Variants in ARHGAP8 observed in about 807,000 individuals in gnomAD.
ARHGAP8 encodes Rho GTPase activating protein 8.
ARHGAP8 carries 62 observed loss-of-function variants against 46.1 expected under a neutral mutation model. The ratio of observed to expected loss-of-function variants is 1.34; its 90% CI spans 1.10 to 1.66. The LOEUF (loss-of-function observed/expected upper bound fraction) is 1.66. ARHGAP8 is among the 40% of genes most tolerant of loss of function. The probability of loss-of-function intolerance (pLI) is 0.00; values close to 1 mark genes in which losing one functional copy is unlikely to be tolerated. For missense variants in ARHGAP8, 923 were observed against 568.4 expected, an observed-to-expected ratio of 1.62 and a Z score of -6.34; for synonymous variants, 375 against 243.1, an observed-to-expected ratio of 1.54 and a Z score of -5.05.
At chr22:44,856,042 C>T (rs775624650) in intron 10 of ARHGAP8, among the ~76,000 whole-genome samples, 11 of 151,996 alleles carry the variant, frequency 7.2e-5, no homozygotes, top group Non-Finnish European at 1.5e-4. Flanking sequence ...CACACTTAAC[C>T]AGATCTCTTG....
intron 1 of ARHGAP8, among the ~76,000 whole-genome samples, chr22:44,757,945 G>A (rs1485122919): frequency 2.0e-5 from 3 of 151,500 alleles, no homozygotes; most frequent in South Asian, 2.1e-4. Context: ...ATGACCCACC[G>A]CCCCCAGGCT....
At chr22:44,859,212 C>A (rs556159856) in intron 10 of ARHGAP8, among the ~76,000 whole-genome samples, 1 of 152,006 alleles carries the variant, frequency 6.6e-6, no homozygotes, top group Non-Finnish European at 1.5e-5. Context: ...GAGTCCCCAG[C>A]GCGTCTCATG....
chr22:44,841,320 C>T (rs1931637929), intron 7 of ARHGAP8, among the ~76,000 whole-genome samples: 1 of 152,186 alleles, frequency 6.6e-6, no homozygotes, highest in Admixed American at 6.5e-5. Context: ...TGCATGTTTT[C>T]TGCGTGCTGG....
intron 1 of ARHGAP8, among the ~76,000 whole-genome samples, chr22:44,758,876 G>A (rs1602136851): frequency 1.3e-5 from 2 of 152,366 alleles, no homozygotes; most frequent in Non-Finnish European, 2.9e-5. Flanking sequence ...GGATATTCAA[G>A]TTTGAGTTGG....
intron 1 of ARHGAP8, among the ~76,000 whole-genome samples, chr22:44,783,649 C>T (rs1025791529): frequency 1.3e-5 from 2 of 152,212 alleles, no homozygotes; most frequent in Admixed American, 6.5e-5. Flanking sequence ...GCTGTGCAAG[C>T]TTCCAGTGGC....
At chr22:44,762,139 G>C (rs188101189) in intron 1 of ARHGAP8, among the ~76,000 whole-genome samples, 5 of 152,364 alleles carry the variant, frequency 3.3e-5, no homozygotes, top group Admixed American at 3.3e-4. Flanking sequence ...GGTGGGGGCT[G>C]TGGTATAATG....
At chr22:44,812,546 G>A (rs955002508) in intron 4 of ARHGAP8, among the ~76,000 whole-genome samples, 23 of 151,820 alleles carry the variant, frequency 1.5e-4, no homozygotes, top group South Asian at 6.3e-4. Flanking sequence ...TAGTGGAGAC[G>A]GGTTTTCACC....
At chr22:44,808,599 T>C in intron 4 of ARHGAP8, 161 bp downstream of exon 4, 1 of 1,343,438 alleles carries the variant, frequency 7.4e-7, no homozygotes, top group Non-Finnish European at 1.0e-6. Flanking sequence ...TCACCTCCCC[T>C]CTGGGCCAAG....
chr22:44,849,703 CCTTT>C, intron 10 of ARHGAP8: 1 of 152,278 alleles, frequency 6.6e-6, no homozygotes, highest in East Asian at 1.9e-4. Flanking sequence ...CCAGCGCCCT[CCTTT>C]CTTCTTGGAG....
rs901811340 is a variant in ARHGAP8 at position 44,862,303 on chromosome 22, T to C, written c.1010T>C (p.Met337Thr). 6.3e-7 allele frequency: 1 copy of C among 1,599,296 alleles called. No homozygotes were observed. ...AVSRESIFNK[M>T]NSSNLACVFG... Reference sequence around the variant, plus strand: ...TCCCGGGAGAGCATCTTCAACAAAATGAACAGCTCTAACCTGGCCTGTGTC... The same window carrying C: ...TCCCGGGAGAGCATCTTCAACAAAACGAACAGCTCTAACCTGGCCTGTGTC... Residue 337 changes from methionine to threonine, a missense_variant, in exon 12 of 12, where the codon ATG (methionine) becomes ACG (threonine). Met to Thr is a moderately conservative substitution (Grantham distance 81). Coordinates refer to ENST00000356099, the MANE Select transcript of ARHGAP8 (RefSeq NM_181335.3).
chr22:44,858,596 C>T (rs1240483419), intron 10 of ARHGAP8, among the ~76,000 whole-genome samples: 1 of 141,062 alleles, frequency 7.1e-6, no homozygotes, highest in Admixed American at 7.5e-5. Context: ...GTCTCGCACT[C>T]CTGACCTCAA....
At chr22:44,822,912 G>T (rs575914052) in intron 6 of ARHGAP8, among the ~76,000 whole-genome samples, 1 of 152,342 alleles carries the variant, frequency 6.6e-6, no homozygotes, top group Non-Finnish European at 1.5e-5. Context: ...TGGTGTGTCT[G>T]CTACAAGGCT....
At chr22:44,807,678 A>G (rs559802852) in intron 3 of ARHGAP8, among the ~76,000 whole-genome samples, 1 of 152,236 alleles carries the variant, frequency 6.6e-6, no homozygotes, top group East Asian at 1.9e-4. Flanking sequence ...AAAACCAGAA[A>G]TGTATTCTCT....
intron 7 of ARHGAP8, among the ~76,000 whole-genome samples, chr22:44,826,126 G>T (rs1338669620): frequency 6.6e-6 from 1 of 151,830 alleles, no homozygotes; most frequent in Non-Finnish European, 1.5e-5. Flanking sequence ...GGTGTGTCGT[G>T]CTAGGAGGAA....
At position 44,848,851 on chromosome 22, in the gene ARHGAP8, C is replaced by A. The variant is rs1272089729; in HGVS notation, c.749-81C>A. ...GTGCGTCCCATCCGGACATCTCACGCCCTGTGTCTCAGAGCTCGTTCTGCA... is the reference window on the plus strand; with the variant it reads ...GTGCGTCCCATCCGGACATCTCACGACCTGTGTCTCAGAGCTCGTTCTGCA... On this transcript the variant is annotated intron_variant, in intron 9 of 11. Coordinates refer to ENST00000356099, the MANE Select transcript of ARHGAP8 (RefSeq NM_181335.3). The A allele has an allele frequency of 2.1e-5, 33 of 1,590,428 alleles. No individual in the cohort carries two copies. The East Asian group carries it at 6.9e-4, about 33-fold the overall frequency.
chr22:44,782,316 G>A (rs1012168707), intron 1 of ARHGAP8, among the ~76,000 whole-genome samples: 4 of 152,116 alleles, frequency 2.6e-5, no homozygotes, highest in Non-Finnish European at 5.9e-5. Context: ...CAGCCTGGGC[G>A]ACAAAGTGAG....
chr22:44,856,492 T>C (rs112144188), intron 10 of ARHGAP8, among the ~76,000 whole-genome samples: 7 of 152,182 alleles, frequency 4.6e-5, no homozygotes, highest in African/African-American at 1.7e-4. Flanking sequence ...CAGGCTGGTC[T>C]TGAACTCCTG....
intron 11 of ARHGAP8, among the ~76,000 whole-genome samples, chr22:44,861,692 C>T (rs1307116919): frequency 2.6e-5 from 4 of 152,192 alleles, no homozygotes; most frequent in South Asian, 2.1e-4. Context: ...GGCCCCCTGC[C>T]ACTGGCTGGC....
intron 7 of ARHGAP8, among the ~76,000 whole-genome samples, chr22:44,831,958 A>G (rs753947378): frequency 2.5e-4 from 38 of 151,976 alleles, no homozygotes; most frequent in Admixed American, 6.5e-4. Context: ...TTTAATTTCC[A>G]TATTCATTTT....
Sources: gnomAD v4.1 joint callset for allele counts (sites outside exome capture counted in the v4.1 genomes callset) on GRCh38, gnomAD v4.1.1 for gene constraint, MANE v1.5 for transcripts, NCBI Gene and HGNC (gene_info 2026-07-23, HGNC 2026-07-21) for gene names.